ADCY9: variants seen among roughly 807,000 people sequenced by gnomAD.
The protein encoded by ADCY9 is adenylate cyclase type 9.
In ADCY9, 50 loss-of-function variants were observed where a neutral mutation model predicts 101.5. The ratio of observed to expected loss-of-function variants is 0.49; its 90% CI spans 0.39 to 0.62. The LOEUF (loss-of-function observed/expected upper bound fraction) is 0.62, where lower values mean the gene tolerates loss of function less well. ADCY9 is among the 20% of genes least tolerant of loss of function. ADCY9 has a pLI of 0.00. For synonymous variants in ADCY9, 905 were observed against 769.3 expected (o/e 1.18, Z -2.92); for missense variants, 1,662 against 1,800.4 (o/e 0.92, Z 1.39).
chr16:3,957,013 AG>A (rs2055910287), intron 5 of ADCY9, among the ~76,000 whole-genome samples: 1 of 152,192 alleles, frequency 6.6e-6, no homozygotes, highest in African/African-American at 2.4e-5. Context: ...AGAGCGACGG[AG>A]GGAGAAGGGG....
chr16:3,962,686 T>A lies in ADCY9; in HGVS notation c.*3089A>T, dbSNP rs1322107468. ...TTAGAATATTTTAATGTCCATTTCTTCAGTGAATGCATTTTGAAATTATTA... is the reference window on the plus strand; with the variant it reads ...TTAGAATATTTTAATGTCCATTTCTACAGTGAATGCATTTTGAAATTATTA... On this transcript the variant is annotated 3_prime_UTR_variant, in exon 11 of 11. Coordinates refer to ENST00000294016, the MANE Select transcript of ADCY9 (RefSeq NM_001116.4). 1.3e-5 allele frequency: 2 copies of A among 152,266 alleles called. No individual in the cohort carries two copies. The highest frequency in any genetic ancestry group is 3.9e-4 in the East Asian group (2 of 5,186). The allele number at this position is 152,266 out of a possible 1,614,324, so 9.4% of individuals were successfully genotyped here.
chr16:4,091,787 G>A (rs8051478), intron 2 of ADCY9, among the ~76,000 whole-genome samples: 3,690 of 152,282 alleles, frequency 0.024, 141 homozygotes, highest in African/African-American at 0.083. Context: ...GCAGCACAGC[G>A]GCTGCCAGGT....
At chr16:3,983,767 A>T in intron 6 of ADCY9, 1 of 303,824 alleles carries the variant, frequency 3.3e-6, no homozygotes, top group Non-Finnish European at 6.2e-6. Context: ...TCTACAAAAA[A>T]CTTTAAAATT....
intron 3 of ADCY9, among the ~76,000 whole-genome samples, chr16:3,997,335 A>G (rs895626129): frequency 6.6e-6 from 1 of 152,208 alleles, no homozygotes; most frequent in African/African-American, 2.4e-5. Flanking sequence ...GCCCTCCACA[A>G]GGGCTTCCCT....
chr16:4,010,220 C>A (rs1027072434), intron 2 of ADCY9, among the ~76,000 whole-genome samples: 1 of 152,216 alleles, frequency 6.6e-6, no homozygotes, highest in Non-Finnish European at 1.5e-5. Flanking sequence ...AAGGGGCCCT[C>A]ACCCAGGTGA....
chr16:3,991,114 G>A (rs926668215), intron 5 of ADCY9, among the ~76,000 whole-genome samples: 2 of 152,132 alleles, frequency 1.3e-5, no homozygotes, highest in Non-Finnish European at 2.9e-5. Context: ...ATCACCCTTT[G>A]AGGCATTATA....
intron 3 of ADCY9, among the ~76,000 whole-genome samples, chr16:3,994,802 T>C (rs72762751): frequency 0.038 from 5,840 of 152,254 alleles, 186 homozygotes; most frequent in Admixed American, 0.073. Flanking sequence ...TCAACAAAGC[T>C]GTTATTAAGT....
At chr16:4,099,180 G>A (rs556711702) in intron 2 of ADCY9, among the ~76,000 whole-genome samples, 24 of 152,030 alleles carry the variant, frequency 1.6e-4, no homozygotes, top group South Asian at 8.3e-4. Flanking sequence ...TGATCCACCC[G>A]CCTCAGCTTC....
intron 4 of ADCY9, 108 bp downstream of exon 4, chr16:3,993,298 C>A: frequency 6.5e-7 from 1 of 1,531,060 alleles, no homozygotes; most frequent in Non-Finnish European, 8.9e-7. Flanking sequence ...GTGCTGTTAC[C>A]CAAGAGGAGT....
At chr16:4,097,485 T>TATATATATATAC (rs2057012098) in intron 2 of ADCY9, among the ~76,000 whole-genome samples, 1 of 73,020 alleles carries the variant, frequency 1.4e-5, no homozygotes, top group African/African-American at 4.9e-5. Flanking sequence ...TATATATATA[T>TATATATATATAC]ATACACACAC....
Position 4,100,606 on chromosome 16 carries a change from C to T in ADCY9, c.1693+13144G>A, listed in dbSNP as rs185583523. ...TCAGCCTCCGAAAGTGCTGGGATTA[C>T]AGGCGTGAGCCATGCACCTGGCCTC... On this transcript the variant is annotated intron_variant, in intron 2 of 10. Coordinates refer to ENST00000294016, the MANE Select transcript of ADCY9 (RefSeq NM_001116.4). Among the ~76,000 whole-genome samples the T allele has an allele frequency of 2.0e-3, 297 of 152,198 alleles. 1 individual carries two copies. Among genetic ancestry groups the T allele is most frequent in the African/African-American group, 6.8e-3 (281 of 41,548 alleles).
At position 4,010,926 on chromosome 16, in the gene ADCY9, T is replaced by C. The variant is rs193047079; in HGVS notation, c.1694-3368A>G. 2.0e-3 allele frequency among the ~76,000 whole-genome samples: 311 copies of C among 152,152 alleles called. 2 individuals carry two copies. Among genetic ancestry groups the C allele is most frequent in the African/African-American group, 7.3e-3 (303 of 41,574 alleles). ...GCTTGCCCTCCAGTTTCCTTCTCCC[T>C]TCCAGAAGATGCAGCCCTCCCCAGA... On this transcript the variant is annotated intron_variant, in intron 2 of 10. Transcript: ENST00000294016.
At chr16:4,057,554 C>T (rs1194080731) in intron 2 of ADCY9, among the ~76,000 whole-genome samples, 1 of 152,180 alleles carries the variant, frequency 6.6e-6, no homozygotes, top group Non-Finnish European at 1.5e-5. Context: ...CACGCACTAT[C>T]TCCCCGCCAG....
intron 5 of ADCY9, among the ~76,000 whole-genome samples, chr16:3,953,835 C>A (rs2055893851): frequency 6.6e-6 from 1 of 152,232 alleles, no homozygotes; most frequent in African/African-American, 2.4e-5. Context: ...ACATCAGGTT[C>A]TGGCAACCTG....
At chr16:3,991,598 T>C (rs1034042601) in intron 5 of ADCY9, among the ~76,000 whole-genome samples, 2 of 151,662 alleles carry the variant, frequency 1.3e-5, no homozygotes, top group South Asian at 4.2e-4. Context: ...CCATCTCTAC[T>C]AAAAACACAA....
intron 2 of ADCY9, among the ~76,000 whole-genome samples, chr16:4,096,651 T>C (rs182108539): frequency 1.3e-5 from 2 of 152,306 alleles, no homozygotes; most frequent in East Asian, 1.9e-4. Flanking sequence ...ACACTTTAAA[T>C]AGTAACACAA....
intron 3 of ADCY9, among the ~76,000 whole-genome samples, chr16:3,995,258 C>T (rs1004809143): frequency 6.6e-6 from 1 of 151,870 alleles, no homozygotes; most frequent in East Asian, 1.9e-4. Context: ...CAAAACCCTG[C>T]CTCAACAAAA....
chr16:4,031,562 T>C (rs180838563), intron 2 of ADCY9, among the ~76,000 whole-genome samples: 9 of 152,312 alleles, frequency 5.9e-5, no homozygotes, highest in African/African-American at 1.9e-4. Flanking sequence ...ATTTCAACTT[T>C]TCTGTAGGTT....
At chr16:4,089,135 G>GGCTGGAGTGCGGTGGC (rs60051660) in intron 2 of ADCY9, among the ~76,000 whole-genome samples, 1 of 151,080 alleles carries the variant, frequency 6.6e-6, no homozygotes, top group Admixed American at 6.6e-5. Context: ...CTGTCACCCA[G>GGCTGGAGTGCGGTGGC]GCAATCTCAG....
Sources: allele counts gnomAD v4.1 joint callset (sites outside exome capture counted in the v4.1 genomes callset), GRCh38; gene constraint gnomAD v4.1.1; transcripts MANE v1.5; gene names NCBI Gene and HGNC (gene_info 2026-07-23, HGNC 2026-07-21).